Variants in ADAMTS20 observed in about 807,000 individuals in gnomAD.
ADAMTS20 encodes the protein ADAM metallopeptidase with thrombospondin type 1 motif 20.
In ADAMTS20, 225 loss-of-function variants were observed where a neutral mutation model predicts 260.1. That is an observed-to-expected ratio of 0.87 (90% CI 0.78 to 0.97). The LOEUF is 0.97. ADAMTS20 is among the 50% of genes least tolerant of loss of function. The probability of loss-of-function intolerance (pLI) is 0.00; values close to 1 mark genes in which losing one functional copy is unlikely to be tolerated. For synonymous variants in ADAMTS20, 802 were observed against 769.5 expected (o/e 1.04, Z -0.70); for missense variants, 2,400 against 2,337.7 (o/e 1.03, Z -0.55).
intron 2 of ADAMTS20, among the ~76,000 whole-genome samples, chr12:43,541,579 G>T (rs1943377173): frequency 6.6e-6 from 1 of 152,050 alleles, no homozygotes; most frequent in South Asian, 2.1e-4. Context: ...TTTTTATTTG[G>T]GGATAAGTAA....
chr12:43,427,439 G>A lies in ADAMTS20; in HGVS notation c.3976C>T (p.His1326Tyr). 1 of 1,613,120 alleles carries A rather than the reference G, an allele frequency of 6.2e-7. No individual in the cohort carries two copies. The highest frequency in any genetic ancestry group is 8.5e-7 in the Non-Finnish European group (1 of 1,179,588). ...TCATCCTGGCAGACCACAGCCCTATGCTGAAGACCTCCAGAACAACTGCTG... is the reference window on the plus strand; with the variant it reads ...TCATCCTGGCAGACCACAGCCCTATACTGAAGACCTCCAGAACAACTGCTG... ...CSSSCSGGLQ[H>Y]RAVVCQDENG... is the part of the protein sequence containing the mutation. Residue 1326 changes from histidine (H) to tyrosine (Y), a missense_variant, in exon 27 of 39, where the codon CAT becomes TAT. Coordinates refer to ENST00000389420, the MANE Select transcript of ADAMTS20 (RefSeq NM_025003.5).
Position 43,551,790 on chromosome 12 carries a change from G to T in ADAMTS20, c.91+41C>A. The T allele has an allele frequency of 6.3e-7, 1 of 1,599,894 alleles. No homozygotes were observed. On this transcript the variant is annotated intron_variant, in intron 1 of 38. Transcript: ENST00000389420. This position sits in a 1 kb window ranked among gnomAD's most constrained non-coding sequence, Gnocchi z 4.6. ...CCTGCATGTCCCACTCGGGCCCCGC[G>T]CCCCCACTTAGCCGCTGAAGGCGTC...
intron 14 of ADAMTS20, among the ~76,000 whole-genome samples, chr12:43,447,286 T>A (rs1283873862): frequency 6.6e-6 from 1 of 152,126 alleles, no homozygotes; most frequent in Non-Finnish European, 1.5e-5. Context: ...TCAAAAAGCT[T>A]ATCCACCGCA....
intron 7 of ADAMTS20, among the ~76,000 whole-genome samples, chr12:43,477,080 A>T (rs534422813): frequency 6.6e-6 from 1 of 151,782 alleles, no homozygotes; most frequent in Non-Finnish European, 1.5e-5. Flanking sequence ...CAATTACCTT[A>T]ACTATCATTA....
rs760606707 is a variant in ADAMTS20, at chr12:43,452,658, T to C, written c.1798A>G (p.Met600Val). The change falls in exon 13 of 39, where the codon ATG becomes GTG. Residue 600 changes from methionine (M) to valine (V), a missense_variant. Met to Val is a conservative substitution (Grantham distance 21). Coordinates refer to ENST00000389420, the MANE Select transcript of ADAMTS20 (RefSeq NM_025003.5). Reference sequence around the variant, plus strand: ...TCAGTATTACATGATCGAAATTTCATCCTGCGGCCCACACAGTAATTTCCT... The same window carrying C: ...TCAGTATTACATGATCGAAATTTCACCCTGCGGCCCACACAGTAATTTCCT... Reference protein sequence around the residue: ...NGGNYCVGRRMKFRSCNTDSC... With the variant: ...NGGNYCVGRRVKFRSCNTDSC... 1.6e-5 allele frequency: 25 copies of C among 1,611,564 alleles called. No individual in the cohort carries two copies. The South Asian group carries it at 1.7e-4, about 11-fold the overall frequency.
intron 3 of ADAMTS20, among the ~76,000 whole-genome samples, chr12:43,514,560 C>CAAA (rs58435633): frequency 6.3e-5 from 4 of 63,658 alleles, no homozygotes; most frequent in Non-Finnish European, 9.9e-5. Flanking sequence ...GACTCTATCT[C>CAAA]AAAAAAAAAA....
At chr12:43,512,812 T>C (rs1471633418) in intron 3 of ADAMTS20, among the ~76,000 whole-genome samples, 1 of 152,186 alleles carries the variant, frequency 6.6e-6, no homozygotes, top group Non-Finnish European at 1.5e-5. Flanking sequence ...ACTGAATAAA[T>C]GGCATAGCAA....
intron 29 of ADAMTS20, among the ~76,000 whole-genome samples, chr12:43,384,247 T>A (rs1249284578): frequency 1.3e-5 from 2 of 152,342 alleles, no homozygotes; most frequent in African/African-American, 4.8e-5. Context: ...TGACTCTGTC[T>A]TCTACTTAAA....
intron 29 of ADAMTS20, 41 bp downstream of exon 29, chr12:43,399,025 C>CA (rs762227667): frequency 4.3e-5 from 52 of 1,211,944 alleles, no homozygotes; most frequent in Middle Eastern, 5.3e-4. Context: ...TTTTTAAATA[C>CA]AAAAAAATAC....
chr12:43,531,835 T>C (rs988732353), intron 3 of ADAMTS20, among the ~76,000 whole-genome samples: 5 of 152,170 alleles, frequency 3.3e-5, no homozygotes, highest in African/African-American at 1.2e-4. Flanking sequence ...TTAATTAGTT[T>C]GATTAAGCCA....
In ADAMTS20 at chr12:43,428,376, A is replaced by T; in HGVS notation, c.3810T>A (p.Phe1270Leu). 1.2e-6 allele frequency: 2 copies of T among 1,613,894 alleles called. No homozygotes were observed. Among genetic ancestry groups the T allele is most frequent in the Non-Finnish European group, 1.7e-6 (2 of 1,179,862 alleles). Residue 1270 changes from phenylalanine (F) to leucine (L), a missense_variant, in exon 26 of 39, where the codon TTT (phenylalanine) becomes TTA (leucine). Phe to Leu is a conservative substitution (Grantham distance 22). Transcript: ENST00000389420. Reference protein sequence around the residue: ...LAACPPAHSHFPSSPVQPSYY... With the variant: ...LAACPPAHSHLPSSPVQPSYY... Reference sequence around the variant, plus strand: ...AGCTTGGCTGCACAGGGGAACTAGGAAAGTGGCTGTGTGCAGGAGGGCAGG... The same window carrying T: ...AGCTTGGCTGCACAGGGGAACTAGGTAAGTGGCTGTGTGCAGGAGGGCAGG...
At chr12:43,398,748 C>T (rs1483833448) in intron 29 of ADAMTS20, among the ~76,000 whole-genome samples, 1 of 152,076 alleles carries the variant, frequency 6.6e-6, no homozygotes, top group Non-Finnish European at 1.5e-5. Flanking sequence ...CAGTGGCTCA[C>T]GTCTGTAATC....
At chr12:43,528,043 A>C (rs932074987) in intron 3 of ADAMTS20, among the ~76,000 whole-genome samples, 43 of 152,096 alleles carry the variant, frequency 2.8e-4, no homozygotes, top group African/African-American at 9.7e-4. Context: ...ATACACCAAA[A>C]ACAATCAAGC....
chr12:43,540,921 G>A (rs572824667), intron 2 of ADAMTS20, among the ~76,000 whole-genome samples: 1 of 152,190 alleles, frequency 6.6e-6, no homozygotes, highest in Admixed American at 6.5e-5. Context: ...ATTTTTATAT[G>A]TTTAGAAGAT....
chr12:43,537,300 C>G (rs1166604381), intron 2 of ADAMTS20, among the ~76,000 whole-genome samples: 2 of 151,924 alleles, frequency 1.3e-5, no homozygotes, highest in Non-Finnish European at 1.5e-5. Flanking sequence ...AGTGGTCCAC[C>G]CACCTCAGCC....
In ADAMTS20 at chr12:43,376,106, A is replaced by C; in HGVS notation, c.5263T>G (p.Leu1755Val). The C allele has an allele frequency of 6.2e-7, 1 of 1,610,904 alleles. No homozygotes were observed. Among genetic ancestry groups the C allele is most frequent in the South Asian group, 1.1e-5 (1 of 90,074 alleles). Reference sequence around the variant, plus strand: ...TTTTCTTCACCTTGGACCAGTGTTAAATATTCCTTAGGGTTCTCCAAGTAC... The same window carrying C: ...TTTTCTTCACCTTGGACCAGTGTTACATATTCCTTAGGGTTCTCCAAGTAC... Reference protein sequence around the residue: ...DMYLENPKEYLTLVQGEENFS... With the variant: ...DMYLENPKEYVTLVQGEENFS... Residue 1755 changes from leucine (L) to valine (V), a missense_variant, in exon 35 of 39, where the codon TTA (leucine) becomes GTA (valine). Physicochemically the swap from Leu to Val is conservative, Grantham distance 32 (BLOSUM62 1). Transcript: ENST00000389420.
At chr12:43,460,988 A>ATATATATATATATATATTTTTTTTTT in intron 11 of ADAMTS20, among the ~76,000 whole-genome samples, 11 of 26,396 alleles carry the variant, frequency 4.2e-4, no homozygotes, top group Non-Finnish European at 4.7e-4. Flanking sequence ...ATATATATAT[A>ATATATATATATATATATTTTTTTTTT]TTTTTTTTTT....
At chr12:43,376,406 C>T (rs1384732202) in intron 33 of ADAMTS20, 76 bp from the exon 34 acceptor site, 2 of 1,445,248 alleles carry the variant, frequency 1.4e-6, no homozygotes, top group African/African-American at 1.4e-5. Context: ...AGAAATATTG[C>T]TACACTCTGA....
At chr12:43,473,393 C>T (rs1460117680) in intron 7 of ADAMTS20, among the ~76,000 whole-genome samples, 1 of 45,334 alleles carries the variant, frequency 2.2e-5, no homozygotes, top group Admixed American at 3.2e-4. Flanking sequence ...TAATGGGAGA[C>T]TTTAACACCC....
Sources: gnomAD v4.1 joint callset for allele counts (sites outside exome capture counted in the v4.1 genomes callset) on GRCh38, gnomAD v4.1.1 for gene constraint, Gnocchi (gnomAD v3.1) non-coding constraint, MANE v1.5 for transcripts, NCBI Gene and HGNC (gene_info 2026-07-23, HGNC 2026-07-21) for gene names.